Variants in ALDH3A2 observed in about 807,000 individuals in gnomAD.
ALDH3A2 encodes aldehyde dehydrogenase 3 family member A2.
In ALDH3A2, 36 loss-of-function variants were observed where a neutral mutation model predicts 51.3. That is an observed-to-expected ratio of 0.70 (90% CI 0.54 to 0.93). ALDH3A2 has a LOEUF of 0.93. ALDH3A2 is among the 40% of genes least tolerant of loss of function. The probability of loss-of-function intolerance (pLI) is 0.00; values close to 1 mark genes in which losing one functional copy is unlikely to be tolerated. For synonymous variants in ALDH3A2, 199 were observed against 219.8 expected (o/e 0.91, Z 0.84); for missense variants, 552 against 603.1 (o/e 0.92, Z 0.89).
At chr17:19,649,165 G>T (rs1270451980) in intron 1 of ALDH3A2, 41 bp downstream of exon 1, 2 of 1,537,804 alleles carry the variant, frequency 1.3e-6, no homozygotes, top group African/African-American at 2.7e-5. Context: ...ACTGGCCCCC[G>T]CCGCGCACTT....
chr17:19,663,571 C>A, intron 7 of ALDH3A2, 72 bp downstream of exon 7: 4 of 1,528,454 alleles, frequency 2.6e-6, no homozygotes, highest in Admixed American at 1.7e-5. Flanking sequence ...TGCTGTAAAA[C>A]AATGCAAAAA....
intron 7 of ALDH3A2, among the ~76,000 whole-genome samples, chr17:19,664,637 CT>C (rs1221944481): frequency 1.3e-5 from 2 of 152,180 alleles, no homozygotes; most frequent in Non-Finnish European, 2.9e-5. Context: ...TTTAAAGAGT[CT>C]TTTGCTGCTG....
intron 4 of ALDH3A2, among the ~76,000 whole-genome samples, chr17:19,656,972 C>G (rs1041915954): frequency 6.6e-6 from 1 of 152,224 alleles, no homozygotes; most frequent in African/African-American, 2.4e-5. Context: ...AACTGAGATC[C>G]TTTGTGGGCA....
intron 4 of ALDH3A2, 32 bp downstream of exon 4, chr17:19,656,606 T>C: frequency 6.4e-7 from 1 of 1,571,794 alleles, no homozygotes; most frequent in Non-Finnish European, 8.7e-7. Context: ...TCTGAGGTTT[T>C]CCCAGCACAA....
rs978271280 is a variant in ALDH3A2, at chr17:19,676,807, A to C, written c.*1235A>C. 1 of 152,262 alleles carries C rather than the reference A, an allele frequency of 6.6e-6. No individual in the cohort carries two copies. Among genetic ancestry groups the C allele is most frequent in the Non-Finnish European group, 1.5e-5 (1 of 68,044 alleles). 9.4% of individuals were successfully genotyped at this position (152,262 alleles called of 1,614,324 possible). The stretch of plus-strand genomic sequence containing the variant: ...AAAATTTCACTTTTTGAAACTATAG[A>C]GAGATCCCTTTCTGATTAGCCTACA... On this transcript the variant is annotated 3_prime_UTR_variant, in exon 10 of 10. Transcript: ENST00000176643.
chr17:19,668,475 T>A (rs1248196149), intron 8 of ALDH3A2, among the ~76,000 whole-genome samples: 2 of 152,058 alleles, frequency 1.3e-5, no homozygotes, highest in Non-Finnish European at 2.9e-5. Flanking sequence ...CCTCAACTCC[T>A]GATCTCAGGT....
At chr17:19,665,457 G>A (rs1012217923) in intron 8 of ALDH3A2, among the ~76,000 whole-genome samples, 2 of 151,926 alleles carry the variant, frequency 1.3e-5, no homozygotes, top group African/African-American at 4.8e-5. Context: ...GAATACCAGG[G>A]ACAGAAGGTA....
In ALDH3A2 at chr17:19,675,606, C is replaced by T; in HGVS notation, c.*34C>T. 6.3e-7 allele frequency: 1 copy of T among 1,598,124 alleles called. No individual in the cohort carries two copies. Among genetic ancestry groups the T allele is most frequent in the Non-Finnish European group, 8.6e-7 (1 of 1,165,402 alleles). On this transcript the variant is annotated 3_prime_UTR_variant, in exon 10 of 10. Coordinates refer to ENST00000176643, the MANE Select transcript of ALDH3A2 (RefSeq NM_000382.3). The stretch of plus-strand genomic sequence containing the variant: ...CCTGTTCAACCTCCTAGTGCCTCTA[C>T]TGAATTATTCCTCTTTTAAATGGTT...
At chr17:19,672,346 C>T (rs1317379233) in intron 9 of ALDH3A2, 5 of 237,388 alleles carry the variant, frequency 2.1e-5, no homozygotes, top group Non-Finnish European at 4.2e-5. Context: ...TTGGACTTTC[C>T]TTGTCACTTA....
intron 8 of ALDH3A2, among the ~76,000 whole-genome samples, chr17:19,669,475 T>C (rs983642901): frequency 1.3e-5 from 2 of 152,184 alleles, no homozygotes; most frequent in Non-Finnish European, 2.9e-5. Flanking sequence ...TGGGTCATTC[T>C]TAGGGTTTTC....
In ALDH3A2 at chr17:19,657,850, G is replaced by A. The variant is rs886052688; in HGVS notation, c.786G>A (p.Lys262=). The A allele has an allele frequency of 6.2e-7, 1 of 1,604,708 alleles. No individual in the cohort carries two copies. Among genetic ancestry groups the A allele is most frequent in the East Asian group, 2.2e-5 (1 of 44,810 alleles). Residue 262 remains lysine, a synonymous_variant, in exon 5 of 10, where the codon AAG becomes AAA. Transcript: ENST00000176643. ...AAAATCAAATTGTATGGAAGATTAA[G>A]GAAACAGTGAAGGTTTGTATTAAAA... ...SLQNQIVWKI[K]ETVKEFYGEN... is the part of the protein sequence containing the mutation.
intron 6 of ALDH3A2, among the ~76,000 whole-genome samples, chr17:19,662,661 A>T (rs564850083): frequency 7.9e-5 from 12 of 152,252 alleles, no homozygotes; most frequent in African/African-American, 2.9e-4. Context: ...TTGACCATTT[A>T]AGTCTGTTTT....
chr17:19,651,782 T>A lies in ALDH3A2; in HGVS notation c.385+4T>A. On this transcript the variant is annotated splice_donor_region_variant and intron_variant, in intron 2 of 9. Coordinates refer to ENST00000176643, the MANE Select transcript of ALDH3A2 (RefSeq NM_000382.3). ...CTGATAGGAGCCATCGCTGCAGGTC[T>A]GGTGCCACCTTATGTCTATATACCT... 1 of 1,612,222 alleles carries A rather than the reference T, an allele frequency of 6.2e-7. No individual in the cohort carries two copies.
At chr17:19,655,143 G>A (rs1347218458) in intron 3 of ALDH3A2, 1 of 152,236 alleles carries the variant, frequency 6.6e-6, no homozygotes, top group East Asian at 1.9e-4. Context: ...TCTACATGCA[G>A]TTGCTACAGG....
chr17:19,669,344 T>C (rs1168435090), intron 8 of ALDH3A2, among the ~76,000 whole-genome samples: 3 of 152,126 alleles, frequency 2.0e-5, no homozygotes, highest in East Asian at 1.9e-4. Flanking sequence ...GAGTTCACTT[T>C]AGAATGCCAT....
intron 6 of ALDH3A2, chr17:19,661,896 C>T (rs2084971410): frequency 6.7e-6 from 1 of 150,002 alleles, no homozygotes; most frequent in African/African-American, 2.5e-5. Flanking sequence ...AAAAAAAAAA[C>T]TTAAAAATGA....
At chr17:19,662,915 GA>G (rs2084985346) in intron 6 of ALDH3A2, among the ~76,000 whole-genome samples, 1 of 152,058 alleles carries the variant, frequency 6.6e-6, no homozygotes, top group Non-Finnish European at 1.5e-5. Flanking sequence ...TGAGACAGGA[GA>G]ATCACTTGAA....
chr17:19,674,229 T>C (rs1203454192), intron 9 of ALDH3A2: 2 of 152,176 alleles, frequency 1.3e-5, no homozygotes, highest in Non-Finnish European at 2.9e-5. Context: ...TCAATATCTG[T>C]CTCTTTTGTT....
chr17:19,648,828 C>A lies in ALDH3A2; in HGVS notation c.-144C>A. On this transcript the variant is annotated 5_prime_UTR_variant, in exon 1 of 10. Transcript: ENST00000176643. ...CGCGGCTGAGCGAGCGAGCCCTGGG[C>A]GAGTGAATTGTGGCTGTGGGTTGAC... The A allele has an allele frequency of 1.7e-6, 2 of 1,148,218 alleles. No homozygotes were observed. The highest frequency in any genetic ancestry group is 2.5e-6 in the Non-Finnish European group (2 of 812,064). 71.1% of individuals were successfully genotyped at this position (1,148,218 alleles called of 1,614,324 possible). A position where few individuals can be genotyped will look rare whatever the true frequency, so the allele number is the denominator to read the frequency against.
Sources: allele counts gnomAD v4.1 joint callset (sites outside exome capture counted in the v4.1 genomes callset), GRCh38; gene constraint gnomAD v4.1.1; transcripts MANE v1.5; gene names NCBI Gene and HGNC (gene_info 2026-07-23, HGNC 2026-07-21).